Variants in MS4A15 observed in about 807,000 individuals in gnomAD.
The protein encoded by MS4A15 is membrane spanning 4-domains A15.
MS4A15 carries 22 observed loss-of-function variants against 20.6 expected under a neutral mutation model. The ratio of observed to expected loss-of-function variants is 1.07; its 90% confidence interval spans 0.76 to 1.52. The LOEUF (loss-of-function observed/expected upper bound fraction) is 1.52. MS4A15 is among the 40% of genes most tolerant of loss of function. MS4A15 has a pLI of 0.00. For synonymous variants in MS4A15, 129 were observed against 129.3 expected, an observed-to-expected ratio of 1.00 and a Z score of 0.02; for missense variants, 312 against 323.0, an observed-to-expected ratio of 0.97 and a Z score of 0.26.
intron 6 of MS4A15, 147 bp from the exon 7 acceptor site, chr11:60,775,458 T>C (rs1410261489): frequency 1.6e-6 from 1 of 636,652 alleles, no homozygotes; most frequent in Non-Finnish European, 2.8e-6. Flanking sequence ...AAATATTGGT[T>C]GCACGGAGAG....
chr11:60,771,697 C>G (rs11230470), intron 4 of MS4A15: 123,944 of 1,325,406 alleles, frequency 0.094, 6,311 homozygotes, highest in Admixed American at 0.11. Flanking sequence ...GGAGAATGCA[C>G]GGAGGAGTGT....
chr11:60,767,212 T>G (rs868651898), intron 2 of MS4A15, among the ~76,000 whole-genome samples: 1 of 152,110 alleles, frequency 6.6e-6, no homozygotes, highest in South Asian at 2.1e-4. Context: ...GCAGGGAATG[T>G]TGGGCCATTG....
At chr11:60,775,086 C>T (rs1052568144) in intron 6 of MS4A15, among the ~76,000 whole-genome samples, 28 of 152,088 alleles carry the variant, frequency 1.8e-4, no homozygotes, top group Non-Finnish European at 3.2e-4. Flanking sequence ...GAGGCCGAGG[C>T]GGGCAGATCA....
chr11:60,767,415 T>G, intron 2 of MS4A15, 118 bp from the exon 3 acceptor site: 2 of 1,258,158 alleles, frequency 1.6e-6, no homozygotes, highest in South Asian at 1.7e-5. Context: ...AGAATCTGAG[T>G]TTCTTTCCCA....
Position 60,767,535 on chromosome 11 carries a change from G to A in MS4A15, c.228G>A (p.Thr76=), listed in dbSNP as rs977927253. ...FLTGEPKVLG[T]VQILIGLIHL... is the part of the protein sequence containing the mutation. ...CTGAGCCTCGGGGCTTCCCGCAGAC[G>A]GTGCAGATCCTCATCGGCCTCATCC... Residue 76 remains threonine, a splice_region_variant and synonymous_variant, in exon 3 of 7, where the codon ACG becomes ACA. Coordinates refer to ENST00000405633, the MANE Select transcript of MS4A15 (RefSeq NM_001098835.2). The A allele has an allele frequency of 7.2e-6, 11 of 1,522,654 alleles. No homozygotes were observed. The highest frequency in any genetic ancestry group is 1.4e-5 in the African/African-American group (1 of 71,830). 94.3% of individuals were successfully genotyped at this position (1,522,654 alleles called of 1,614,324 possible). A position where few individuals can be genotyped will look rare whatever the true frequency, so the allele number is the denominator to read the frequency against.
intron 3 of MS4A15, among the ~76,000 whole-genome samples, chr11:60,768,634 C>T (rs543334786): frequency 6.6e-5 from 10 of 152,280 alleles, no homozygotes; most frequent in South Asian, 4.1e-4. Context: ...CACTGAATCT[C>T]GATACTCAAC....
At chr11:60,770,075 C>T (rs1416652532) in intron 3 of MS4A15, among the ~76,000 whole-genome samples, 1 of 152,236 alleles carries the variant, frequency 6.6e-6, no homozygotes, top group Non-Finnish European at 1.5e-5. Flanking sequence ...GCCAGCCCCA[C>T]CTCAGTGTGT....
chr11:60,763,079 G>A (rs975968160), intron 1 of MS4A15, among the ~76,000 whole-genome samples: 4 of 152,112 alleles, frequency 2.6e-5, no homozygotes, highest in South Asian at 2.1e-4. Flanking sequence ...ACCCCCGCTC[G>A]AGGCCCACTC....
At chr11:60,773,311 C>A (rs1222509203) in intron 4 of MS4A15, 81 bp from the exon 5 acceptor site, 4 of 1,195,038 alleles carry the variant, frequency 3.3e-6, no homozygotes, top group African/African-American at 3.0e-5. Context: ...GTGCTGGGGG[C>A]TGGGCAGCTG....
intron 1 of MS4A15, among the ~76,000 whole-genome samples, chr11:60,762,055 G>GA (rs1179657975): frequency 8.5e-5 from 13 of 152,228 alleles, no homozygotes; most frequent in Admixed American, 7.8e-4. Context: ...CTCATACTCA[G>GA]AAAAAAAGAT....
Position 60,771,321 on chromosome 11 carries a change from G to A in MS4A15, c.379G>A (p.Ala127Thr), listed in dbSNP as rs767167609. 12 of 1,614,044 alleles carry A rather than the reference G, an allele frequency of 7.4e-6. No individual in the cohort carries two copies. The South Asian group carries it at 9.9e-5, about 13-fold the overall frequency. ...CATCTCCGGATCCCTCTCAGTGGCA[G>A]CCGAGAAGAACCACACCAGTTGCCT... ...FIISGSLSVA[A>T]EKNHTSCLVR... is the part of the protein sequence containing the mutation. The change falls in exon 4 of 7, where the codon GCC becomes ACC. Residue 127 changes from alanine to threonine, a missense_variant. By Grantham distance (58) the Ala-to-Thr change is moderately conservative. Coordinates refer to ENST00000405633, the MANE Select transcript of MS4A15 (RefSeq NM_001098835.2).
At chr11:60,769,149 G>T (rs1853962662) in intron 3 of MS4A15, among the ~76,000 whole-genome samples, 1 of 151,776 alleles carries the variant, frequency 6.6e-6, no homozygotes, top group African/African-American at 2.4e-5. Flanking sequence ...GCCCAGTAAA[G>T]CTTCAAAAAT....
chr11:60,768,424 G>A (rs535845686), intron 3 of MS4A15, among the ~76,000 whole-genome samples: 6 of 152,300 alleles, frequency 3.9e-5, no homozygotes, highest in Admixed American at 2.0e-4. Flanking sequence ...CACCCGTGCC[G>A]GAAAACAGGC....
In MS4A15 at chr11:60,775,747, AGCCTTTTCCCTCTGG is replaced by A; in HGVS notation, c.*36_*50del. 1 of 1,576,006 alleles carries A rather than the reference AGCCTTTTCCCTCTGG, an allele frequency of 6.3e-7. No individual in the cohort carries two copies. ...GATGTGGCACCTGCGGGTGGAGTCCAGCCTTTTCCCTCTGGGCCCAGCCTCTCCCCACCCCCACCT... is the reference window on the plus strand; with the variant it reads ...GATGTGGCACCTGCGGGTGGAGTCCAGCCCAGCCTCTCCCCACCCCCACCT... On this transcript the variant is annotated 3_prime_UTR_variant, in exon 7 of 7. Transcript: ENST00000405633.
chr11:60,762,598 T>C (rs183458150), intron 1 of MS4A15, among the ~76,000 whole-genome samples: 3 of 152,374 alleles, frequency 2.0e-5, no homozygotes, highest in East Asian at 3.9e-4. Flanking sequence ...ATGGCCAATA[T>C]ACTTATTCTT....
chr11:60,767,217 C>G (rs1161482571), intron 2 of MS4A15, among the ~76,000 whole-genome samples: 1 of 152,068 alleles, frequency 6.6e-6, no homozygotes, highest in Non-Finnish European at 1.5e-5. Flanking sequence ...GAATGTTGGG[C>G]CATTGAACCG....
At chr11:60,767,922 G>A (rs1299073948) in intron 3 of MS4A15, among the ~76,000 whole-genome samples, 2 of 152,224 alleles carry the variant, frequency 1.3e-5, no homozygotes, top group African/African-American at 2.4e-5. Context: ...GCGGGGCACG[G>A]TGGCTCATGC....
Position 60,771,275 on chromosome 11 carries a change from C to T in MS4A15, c.349-16C>T. ...GTCCTGGCTGAGGCCTCACCTGGTC[C>T]CCTCTCCCCATACAGTTCATCATCT... On this transcript the variant is annotated splice_polypyrimidine_tract_variant and intron_variant, in intron 3 of 6. Transcript: ENST00000405633. 1 of 1,613,280 alleles carries T rather than the reference C, an allele frequency of 6.2e-7. No individual in the cohort carries two copies. Among genetic ancestry groups the T allele is most frequent in the East Asian group, 2.2e-5 (1 of 44,880 alleles).
Position 60,775,866 on chromosome 11 carries a change from C to A in MS4A15, c.*151C>A. 1.7e-6 allele frequency: 1 copy of A among 600,130 alleles called. No homozygotes were observed. The highest frequency in any genetic ancestry group is 2.9e-6 in the Non-Finnish European group (1 of 341,870). 37.2% of individuals were successfully genotyped at this position (600,130 alleles called of 1,614,324 possible). On this transcript the variant is annotated 3_prime_UTR_variant, in exon 7 of 7. Transcript: ENST00000405633. ...ATACTCCGGCATCTGAGTGAAGTGT[C>A]CCCAGGGACATCTCTCCCACACTTT...
Sources: allele counts gnomAD v4.1 joint callset (sites outside exome capture counted in the v4.1 genomes callset), GRCh38; gene constraint gnomAD v4.1.1; transcripts MANE v1.5; gene names NCBI Gene and HGNC (gene_info 2026-07-23, HGNC 2026-07-21).